ABCA3: variants seen among roughly 807,000 people sequenced by gnomAD.
ABCA3 encodes phospholipid-transporting ATPase ABCA3.
ABCA3 carries 88 observed loss-of-function variants against 172.8 expected under a neutral mutation model. That is an observed-to-expected ratio of 0.51 (90% confidence interval 0.43 to 0.61). The LOEUF (loss-of-function observed/expected upper bound fraction) is 0.61, where lower values mean the gene tolerates loss of function less well. Among genes scored for constraint, ABCA3 ranks in the 20% least tolerant of loss-of-function variants. The pLI, the probability that ABCA3 is intolerant of heterozygous loss-of-function variation, is 0.00. For synonymous variants in ABCA3, 1,066 were observed against 983.8 expected (o/e 1.08, Z -1.56); for missense variants, 2,164 against 2,301.0 (o/e 0.94, Z 1.22).
At chr16:2,333,358 G>A (rs1200554109) in intron 1 of ABCA3, among the ~76,000 whole-genome samples, 2 of 152,130 alleles carry the variant, frequency 1.3e-5, no homozygotes, top group Admixed American at 6.5e-5. Context: ...CAGGTGAACC[G>A]CCCCAAGATG....
At chr16:2,321,809 A>G (rs1490987494) in intron 7 of ABCA3, among the ~76,000 whole-genome samples, 2 of 152,208 alleles carry the variant, frequency 1.3e-5, no homozygotes, top group Non-Finnish European at 1.5e-5. Context: ...CACAAGGACC[A>G]CGGAGCTAAA....
At chr16:2,332,779 C>T in intron 1 of ABCA3, 2 of 786,490 alleles carry the variant, frequency 2.5e-6, no homozygotes, top group Middle Eastern at 3.7e-4. Context: ...TTTGTGTGCA[C>T]CATAGGCTTG....
chr16:2,306,960 A>G (rs1329906079), intron 11 of ABCA3, among the ~76,000 whole-genome samples: 4 of 143,500 alleles, frequency 2.8e-5, no homozygotes, highest in South Asian at 4.5e-4. Context: ...GCTTGCAGTG[A>G]GCCGAGATTG....
At chr16:2,310,078 G>A (rs748624293) in intron 10 of ABCA3, among the ~76,000 whole-genome samples, 3 of 152,096 alleles carry the variant, frequency 2.0e-5, no homozygotes, top group South Asian at 4.2e-4. Context: ...AAGAATAACA[G>A]TAACAAATCC....
chr16:2,323,765 C>G, intron 6 of ABCA3, 77 bp from the exon 7 acceptor site: 2 of 1,549,914 alleles, frequency 1.3e-6, no homozygotes, highest in Admixed American at 3.3e-5. Flanking sequence ...AGTGGGAGAG[C>G]GCTTGGGGGG....
In ABCA3 at chr16:2,340,356, C is replaced by T. The variant is rs567980578; in HGVS notation, c.-539+217G>A. The stretch of plus-strand genomic sequence containing the variant: ...GGGAGCCGACGCTGAGGGAGCGGCA[C>T]CTGCAGGGAGCGCCCGGAGCCGAGG... On this transcript the variant is annotated intron_variant, in intron 1 of 32. Transcript: ENST00000301732. 2.0e-5 allele frequency among the ~76,000 whole-genome samples: 3 copies of T among 151,936 alleles called. No homozygotes were observed. The South Asian group carries it at 6.2e-4, about 31-fold the overall frequency.
rs772986219 is a variant in ABCA3, at chr16:2,285,520, T to G, written c.3405A>C (p.Gly1135=). Reference sequence around the variant, plus strand: ...AGAGCCAGAAACTGGCCACGTGGACTCCACTCACAAACTGCACATGCTTGG... The same window carrying G: ...AGAGCCAGAAACTGGCCACGTGGACGCCACTCACAAACTGCACATGCTTGG... ...VQAKHVQFVS[G]VHVASFWLSA... The change falls in exon 23 of 33, where the codon GGA becomes GGC. Residue 1135 remains glycine (G), a synonymous_variant. Transcript: ENST00000301732. This position sits in a 1 kb window ranked among gnomAD's most constrained non-coding sequence, Gnocchi z 4.7. 14 of 1,607,606 alleles carry G rather than the reference T, an allele frequency of 8.7e-6. 1 individual carries two copies. Among genetic ancestry groups the G allele is most frequent in the Admixed American group, 3.4e-5 (2 of 59,138 alleles).
rs1185117524 is a variant in ABCA3, at chr16:2,287,159, T to C, written c.3005-192A>G. On this transcript the variant is annotated intron_variant, in intron 21 of 32. Coordinates refer to ENST00000301732, the MANE Select transcript of ABCA3 (RefSeq NM_001089.3). The surrounding 1 kb of genome is among the most constrained non-coding windows in gnomAD (Gnocchi z 4.1). ...TTGTCATCATTCAGTATGTGGAACT[T>C]TGAATGCCAGTCAGGAACCGGGAAA... 6.6e-6 allele frequency among the ~76,000 whole-genome samples: 1 copy of C among 152,194 alleles called. No individual in the cohort carries two copies. The highest frequency in any genetic ancestry group is 1.9e-4 in the East Asian group (1 of 5,206).
Position 2,340,662 on chromosome 16 carries a change from C to T in ABCA3, c.-628G>A, listed in dbSNP as rs2093759619. On this transcript the variant is annotated 5_prime_UTR_variant, in exon 1 of 33. Transcript: ENST00000301732. ...CCACCCGGGCTCCGCTCCAGCCTCG[C>T]AGTGGCGGCGGCACTGACAGCTGCG... The T allele has an allele frequency of 6.7e-6, 1 of 150,074 alleles. No individual in the cohort carries two copies. Among genetic ancestry groups the T allele is most frequent in the African/African-American group, 2.4e-5 (1 of 41,232 alleles). 9.3% of individuals were successfully genotyped at this position (150,074 alleles called of 1,614,324 possible).
chr16:2,308,767 G>T, intron 10 of ABCA3, 144 bp from the exon 11 acceptor site: 1 of 896,352 alleles, frequency 1.1e-6, no homozygotes, highest in Non-Finnish European at 1.7e-6. Flanking sequence ...CGGGACACAA[G>T]CTCCAGCACG....
At chr16:2,323,769 T>G (rs2141737564) in intron 6 of ABCA3, 81 bp from the exon 7 acceptor site, 1 of 1,535,170 alleles carries the variant, frequency 6.5e-7, no homozygotes, top group Non-Finnish European at 9.0e-7. Flanking sequence ...GGAGAGCGCT[T>G]GGGGGGCTGT....
At position 2,284,978 on chromosome 16, in the gene ABCA3, G is replaced by A. The variant is rs141725577; in HGVS notation, c.3504C>T (p.Asp1168=). 79 of 1,613,516 alleles carry A rather than the reference G, an allele frequency of 4.9e-5. No homozygotes were observed. Among genetic ancestry groups the A allele is most frequent in the Non-Finnish European group, 6.1e-5 (72 of 1,179,950 alleles). The change falls in exon 24 of 33, where the codon GAC becomes GAT. Residue 1168 remains aspartate, a synonymous_variant. Transcript: ENST00000301732. The surrounding 1 kb of genome is among the most constrained non-coding windows in gnomAD (Gnocchi z 5.9). ...GGCCGTCCCGCGTGAAGGCACGCAC[G>A]TCGAAGGCCTTAAACACCACCTGCG... is the stretch of plus-strand genomic sequence containing the variant. The part of the protein sequence containing the change: ...LLLLVVFKAF[D]VRAFTRDGHM...
chr16:2,321,032 G>C (rs1008897164), intron 7 of ABCA3, among the ~76,000 whole-genome samples: 4 of 146,878 alleles, frequency 2.7e-5, no homozygotes, highest in African/African-American at 1.0e-4. Flanking sequence ...TTCGTGTCTG[G>C]CAAATTTCCA....
intron 10 of ABCA3, among the ~76,000 whole-genome samples, chr16:2,315,120 T>G (rs2093712976): frequency 6.6e-6 from 1 of 151,026 alleles, no homozygotes; most frequent in African/African-American, 2.4e-5. Context: ...CCTGACCTCA[T>G]GATCCACCCG....
chr16:2,320,315 G>C (rs1386605279), intron 7 of ABCA3, among the ~76,000 whole-genome samples: 1 of 150,280 alleles, frequency 6.7e-6, no homozygotes, highest in African/African-American at 2.5e-5. Context: ...AGCCAGGATG[G>C]TCTGGATCTC....
At position 2,283,283 on chromosome 16, in the gene ABCA3, G is replaced by A. The variant is rs879188457; in HGVS notation, c.3938C>T (p.Ser1313Leu). ...VGRFVASMAA[S>L]GCAYLILLFL... ...GAGCAGGATGAGGTAGGCGCACCCT[G>A]AGGCGGCCATGGAGGCCACAAACCG... Residue 1313 changes from serine to leucine, a missense_variant, in exon 26 of 33, where the codon TCA becomes TTA. This residue lies in a region of ABCA3 where 795 missense variants were observed against 881.9 expected (regional missense o/e 0.90). Coordinates refer to ENST00000301732, the MANE Select transcript of ABCA3 (RefSeq NM_001089.3). The surrounding 1 kb of genome is among the most constrained non-coding windows in gnomAD (Gnocchi z 5.4). The A allele has an allele frequency of 1.2e-6, 2 of 1,613,350 alleles. No individual in the cohort carries two copies. The highest frequency in any genetic ancestry group is 1.1e-5 in the South Asian group (1 of 91,088).
rs560759226 is a variant in ABCA3, at chr16:2,330,378, G to A, written c.-538-524C>T. On this transcript the variant is annotated intron_variant, in intron 1 of 32. Coordinates refer to ENST00000301732, the MANE Select transcript of ABCA3 (RefSeq NM_001089.3). ...CTTGTGGCCCAGGCTGGAGTGCCGT[G>A]GTGCCATCTCAGCTCACTGCAACCT... 2.1e-5 allele frequency among the ~76,000 whole-genome samples: 3 copies of A among 146,158 alleles called. No individual in the cohort carries two copies. In the South Asian group the frequency reaches 6.5e-4, roughly 32 times the overall value.
chr16:2,330,413 A>C (rs1324368679), intron 1 of ABCA3, among the ~76,000 whole-genome samples: 1 of 143,508 alleles, frequency 7.0e-6, no homozygotes, highest in African/African-American at 2.6e-5. Context: ...TCCACCTCCC[A>C]GGTTCAAGCG....
Position 2,283,194 on chromosome 16 carries a change from GCCT to G in ABCA3, c.4024_4026del (p.Arg1343del), listed in dbSNP as rs1187355606. 6.2e-7 allele frequency: 1 copy of G among 1,612,828 alleles called. No individual in the cohort carries two copies. Among genetic ancestry groups the G allele is most frequent in the Non-Finnish European group, 8.5e-7 (1 of 1,179,880 alleles). Reference sequence around the variant, plus strand: ...CTCCCGGAGCCACTCACCAGTGTCCGCCTCCTCCGGAGGGCGCAGAGGATGCCC... The same window carrying G: ...CTCCCGGAGCCACTCACCAGTGTCCGCCTCCGGAGGGCGCAGAGGATGCCC... On this transcript the variant is annotated inframe_deletion, in exon 26 of 33. Coordinates refer to ENST00000301732, the MANE Select transcript of ABCA3 (RefSeq NM_001089.3). The surrounding 1 kb of genome is among the most constrained non-coding windows in gnomAD (Gnocchi z 5.4).
Sources: allele counts gnomAD v4.1 joint callset (sites outside exome capture counted in the v4.1 genomes callset), GRCh38; gene constraint gnomAD v4.1.1; regional missense constraint gnomAD v4.1.1; non-coding constraint Gnocchi (gnomAD v3.1); transcripts MANE v1.5; gene names NCBI Gene and HGNC (gene_info 2026-07-23, HGNC 2026-07-21).